Variants in ASL observed in about 807,000 individuals in gnomAD.
The protein encoded by ASL is argininosuccinase.
ASL carries 51 observed loss-of-function variants against 69.1 expected under a neutral mutation model. The observed-to-expected ratio is 0.74, with a 90% CI of 0.59 to 0.93. The LOEUF is 0.93. ASL is among the 40% of genes least tolerant of loss of function. ASL has a pLI of 0.00. For missense variants in ASL, 540 were observed against 623.9 expected, an observed-to-expected ratio of 0.87 and a Z score of 1.43; for synonymous variants, 241 against 247.6, an observed-to-expected ratio of 0.97 and a Z score of 0.25.
At chr7:66,086,343 G>T (rs991626260) in intron 6 of ASL, among the ~76,000 whole-genome samples, 1 of 152,176 alleles carries the variant, frequency 6.6e-6, no homozygotes, top group Non-Finnish European at 1.5e-5. Context: ...GGTGTTTCTG[G>T]CAAAGCCTCA....
intron 12 of ASL, 41 bp downstream of exon 12, chr7:66,089,216 G>A (rs1179870567): frequency 1.2e-6 from 2 of 1,612,592 alleles, no homozygotes; most frequent in Non-Finnish European, 1.7e-6. Flanking sequence ...CTGGGCTGAT[G>A]GTGGGTGGCC....
At position 66,093,012 on chromosome 7, in the gene ASL, G is replaced by A; in HGVS notation, c.*100G>A. 1 of 1,524,056 alleles carries A rather than the reference G, an allele frequency of 6.6e-7. No homozygotes were observed. The highest frequency in any genetic ancestry group is 2.4e-5 in the East Asian group (1 of 40,824). 94.4% of individuals were successfully genotyped at this position (1,524,056 alleles called of 1,614,324 possible). A position where few individuals can be genotyped will look rare whatever the true frequency, so the allele number is the denominator to read the frequency against. On this transcript the variant is annotated 3_prime_UTR_variant, in exon 17 of 17. Transcript: ENST00000304874. ...CCCTCGTTGCTGGGCTTTCGGGGCT[G>A]GCCAGTGGGGACAGTCAGGGACTGG...
intron 6 of ASL, among the ~76,000 whole-genome samples, chr7:66,084,251 C>T (rs930091883): frequency 6.6e-6 from 1 of 151,818 alleles, no homozygotes; most frequent in African/African-American, 2.4e-5. Flanking sequence ...ACTCTGCCTC[C>T]TGGGTTCAAG....
In ASL at chr7:66,092,975, C is replaced by T. The variant is rs1214399546; in HGVS notation, c.*63C>T. The T allele has an allele frequency of 1.3e-6, 2 of 1,547,858 alleles. No homozygotes were observed. The highest frequency in any genetic ancestry group is 2.4e-5 in the East Asian group (1 of 41,554). ...GAGGAGGCTGCTGTGTGTTTCCTGC[C>T]CCAGCCTGGCTCCCTCGTTGCTGGG... On this transcript the variant is annotated 3_prime_UTR_variant, in exon 17 of 17. Coordinates refer to ENST00000304874, the MANE Select transcript of ASL (RefSeq NM_000048.4).
Position 66,089,106 on chromosome 7 carries a change from G to A in ASL, c.849G>A (p.Leu283=), listed in dbSNP as rs771334759. 2 of 1,613,840 alleles carry A rather than the reference G, an allele frequency of 1.2e-6. No individual in the cohort carries two copies. The highest frequency in any genetic ancestry group is 2.7e-5 in the African/African-American group (2 of 74,932). The change falls in exon 12 of 17, where the codon CTG becomes CTA. Residue 283 remains leucine, a synonymous_variant. Transcript: ENST00000304874. ...CTGTCCCCAGCACGGGAAGCAGCCT[G>A]ATGCCCCAGAAGAAAAACCCCGACA... The part of the protein sequence containing the change: ...LSDAYSTGSS[L]MPQKKNPDSL...
At chr7:66,086,268 A>G (rs1786659128) in intron 6 of ASL, among the ~76,000 whole-genome samples, 1 of 152,074 alleles carries the variant, frequency 6.6e-6, no homozygotes, top group African/African-American at 2.4e-5. Context: ...GTCATACCCA[A>G]CATGGGCCTC....
intron 8 of ASL, 141 bp from the exon 9 acceptor site, chr7:66,087,193 C>A: frequency 1.0e-6 from 1 of 955,074 alleles, no homozygotes; most frequent in Non-Finnish European, 1.7e-6. Context: ...AGAGGCTAAG[C>A]GCCAGGTGGT....
At chr7:66,083,817 C>T (rs1786583507) in intron 6 of ASL, among the ~76,000 whole-genome samples, 1 of 152,158 alleles carries the variant, frequency 6.6e-6, no homozygotes. Context: ...CCCCCAGATC[C>T]CCCATCCTAA....
In ASL at chr7:66,088,794, C is replaced by G. The variant is rs376815521; in HGVS notation, c.719-13C>G. On this transcript the variant is annotated splice_polypyrimidine_tract_variant and intron_variant, in intron 10 of 16. Transcript: ENST00000304874. The stretch of plus-strand genomic sequence containing the variant: ...ATGGGAGAGGCCTGGTGACTGGGAA[C>G]CTTTTCTCCCAGCCGAGTTCCTGTT... 14 of 1,607,990 alleles carry G rather than the reference C, an allele frequency of 8.7e-6. No individual in the cohort carries two copies. Among genetic ancestry groups the G allele is most frequent in the African/African-American group, 1.3e-5 (1 of 74,970 alleles).
intron 2 of ASL, among the ~76,000 whole-genome samples, chr7:66,079,319 C>T (rs1171750269): frequency 6.6e-6 from 1 of 152,158 alleles, no homozygotes; most frequent in Non-Finnish European, 1.5e-5. Flanking sequence ...ATTGTAGACT[C>T]CCTTCCACAA....
At position 66,076,052 on chromosome 7, in the gene ASL, A is replaced by G. The variant is rs559747484; in HGVS notation, c.-30A>G. 1 of 1,595,618 alleles carries G rather than the reference A, an allele frequency of 6.3e-7. No individual in the cohort carries two copies. The highest frequency in any genetic ancestry group is 1.3e-5 in the African/African-American group (1 of 74,554). Reference sequence around the variant, plus strand: ...CTTGTCTTCCAGACCCGGAGGACCGAAGCTTCCGGACGACGAGGAACCGCC... The same window carrying G: ...CTTGTCTTCCAGACCCGGAGGACCGGAGCTTCCGGACGACGAGGAACCGCC... On this transcript the variant is annotated 5_prime_UTR_variant, in exon 2 of 17. Coordinates refer to ENST00000304874, the MANE Select transcript of ASL (RefSeq NM_000048.4).
chr7:66,089,521 AGTG>A, intron 13 of ASL, 88 bp from the exon 14 acceptor site: 1 of 1,182,714 alleles, frequency 8.5e-7, no homozygotes. Context: ...CATGGAAGGC[AGTG>A]GGGATGCCTC....
chr7:66,092,883 C>T lies in ASL; in HGVS notation c.1366C>T (p.Arg456Trp), dbSNP rs759396688. ...SSVDWQIRQVRALLQAQQA is the reference protein window; with the variant it reads ...SSVDWQIRQVWALLQAQQA Reference sequence around the variant, plus strand: ...CGTCGACTGGCAGATCCGCCAGGTGCGGGCGCTACTGCAGGCACAGCAGGC... The same window carrying T: ...CGTCGACTGGCAGATCCGCCAGGTGTGGGCGCTACTGCAGGCACAGCAGGC... Residue 456 changes from arginine to tryptophan, a missense_variant, in exon 17 of 17, where the codon CGG (arginine) becomes TGG (tryptophan). Arg to Trp is a moderately radical substitution (Grantham distance 101). Coordinates refer to ENST00000304874, the MANE Select transcript of ASL (RefSeq NM_000048.4). The T allele has an allele frequency of 4.4e-5, 71 of 1,610,646 alleles. No individual in the cohort carries two copies. The highest frequency in any genetic ancestry group is 8.0e-5 in the African/African-American group (6 of 74,932).
At chr7:66,082,211 G>T (rs376113519) in intron 3 of ASL, among the ~76,000 whole-genome samples, 157 bp from the exon 4 acceptor site, 2 of 152,072 alleles carry the variant, frequency 1.3e-5, no homozygotes, top group East Asian at 3.9e-4. Flanking sequence ...GTAAAGGTGT[G>T]CTGGGCCTGA....
rs560415242 is a variant in ASL, at chr7:66,079,181, T to G, written c.13-2622T>G. ...ATCTGCCCACCTCAGCCTCCCAAAG[T>G]GCTAGGATTATAGGTGTGAGCCACC... On this transcript the variant is annotated intron_variant, in intron 2 of 16. Coordinates refer to ENST00000304874, the MANE Select transcript of ASL (RefSeq NM_000048.4). Among the ~76,000 whole-genome samples the G allele has an allele frequency of 2.0e-4, 31 of 152,136 alleles. No individual in the cohort carries two copies. In the East Asian group the frequency reaches 6.0e-3, roughly 29 times the overall value.
intron 6 of ASL, 152 bp from the exon 7 acceptor site, chr7:66,086,433 T>G: frequency 1.2e-6 from 1 of 845,510 alleles, no homozygotes; most frequent in Non-Finnish European, 1.9e-6. Context: ...TTAAGACTGA[T>G]TTGTCCCTGG....
chr7:66,076,226 C>A, intron 2 of ASL, 133 bp downstream of exon 2: 1 of 1,183,038 alleles, frequency 8.5e-7, no homozygotes, highest in Non-Finnish European at 1.2e-6. Flanking sequence ...AGGAAGCCTG[C>A]ACCCCCAGCC....
chr7:66,092,947 C>G lies in ASL; in HGVS notation c.*35C>G, dbSNP rs759449836. The stretch of plus-strand genomic sequence containing the variant: ...CACCTGCCCCCTAATAAAGTGGGCG[C>G]GAGAGGAGGCTGCTGTGTGTTTCCT... On this transcript the variant is annotated 3_prime_UTR_variant, in exon 17 of 17. Coordinates refer to ENST00000304874, the MANE Select transcript of ASL (RefSeq NM_000048.4). 4.4e-6 allele frequency: 7 copies of G among 1,579,560 alleles called. No individual in the cohort carries two copies. Among genetic ancestry groups the G allele is most frequent in the Non-Finnish European group, 6.0e-6 (7 of 1,170,426 alleles).
At chr7:66,088,422 A>G (rs1178308805) in intron 10 of ASL, among the ~76,000 whole-genome samples, 1 of 152,178 alleles carries the variant, frequency 6.6e-6, no homozygotes, top group Non-Finnish European at 1.5e-5. Context: ...TAGAGGTTGC[A>G]GTGAGCCAAG....
Sources: allele counts gnomAD v4.1 joint callset (sites outside exome capture counted in the v4.1 genomes callset), GRCh38; gene constraint gnomAD v4.1.1; transcripts MANE v1.5; gene names NCBI Gene and HGNC (gene_info 2026-07-23, HGNC 2026-07-21).